PRF1: variants seen among roughly 807,000 people sequenced by gnomAD.
PRF1 encodes the protein perforin-1.
PRF1 carries 11 observed loss-of-function variants against 11.7 expected under a neutral mutation model. The observed-to-expected ratio is 0.94, with a 90% CI of 0.59 to 1.56. PRF1 has a LOEUF of 1.56. Among genes scored for constraint, PRF1 ranks in the 40% most tolerant of loss-of-function variants. The pLI, the probability that PRF1 is intolerant of heterozygous loss-of-function variation, is 0.00. For missense variants in PRF1, 729 were observed against 751.0 expected (o/e 0.97, Z 0.34); for synonymous variants, 314 against 327.8 (o/e 0.96, Z 0.45).
rs767676771 is a variant in PRF1 at position 70,598,623 on chromosome 10, C to T, written c.1098G>A (p.Gln366=). The T allele has an allele frequency of 2.5e-6, 4 of 1,612,964 alleles. No individual in the cohort carries two copies. Among genetic ancestry groups the T allele is most frequent in the Non-Finnish European group, 3.4e-6 (4 of 1,179,916 alleles). Residue 366 remains glutamine, a synonymous_variant, in exon 3 of 3, where the codon CAG becomes CAA. Coordinates refer to ENST00000441259, the MANE Select transcript of PRF1 (RefSeq NM_001083116.3). ...RREALRRALS[Q]YLTDRARWRD... ...TCCAGCGAGCCCTGTCCGTCAGGTA[C>T]TGACTCAGGGCCCTCCTCAGTGCCT... is the stretch of plus-strand genomic sequence containing the variant.
chr10:70,599,185 C>A lies in PRF1; in HGVS notation c.540-4G>T. The A allele has an allele frequency of 1.9e-6, 3 of 1,613,980 alleles. No individual in the cohort carries two copies. Among genetic ancestry groups the A allele is most frequent in the South Asian group, 1.1e-5 (1 of 91,066 alleles). On this transcript the variant is annotated splice_region_variant and splice_polypyrimidine_tract_variant and intron_variant, in intron 2 of 2. Coordinates refer to ENST00000441259, the MANE Select transcript of PRF1 (RefSeq NM_001083116.3). The stretch of plus-strand genomic sequence containing the variant: ...GGGAGTGTGTACCACATGGAAACTG[C>A]GAGAAGAGAGAGACCTCAGCTGGGC...
Position 70,600,747 on chromosome 10 carries a change from G to A in PRF1, c.156C>T (p.Ser52=). 1 of 1,613,122 alleles carries A rather than the reference G, an allele frequency of 6.2e-7. No individual in the cohort carries two copies. Among genetic ancestry groups the A allele is most frequent in the Non-Finnish European group, 8.5e-7 (1 of 1,179,488 alleles). ...CTGGGAAGGAGCCCGAGCGGCGGAG[G>A]CTGGTCACGTCCACACCCTCCCCGG... ...WLAGEGVDVT[S]LRRSGSFPVD... The change falls in exon 2 of 3, where the codon AGC becomes AGT. Residue 52 remains serine (S), a synonymous_variant. Transcript: ENST00000441259. This position sits in a 1 kb window ranked among gnomAD's most constrained non-coding sequence, Gnocchi z 4.9.
Position 70,600,451 on chromosome 10 carries a change from T to C in PRF1, c.452A>G (p.His151Arg), listed in dbSNP as rs769775807. The change falls in exon 2 of 3, where the codon CAC becomes CGC. Residue 151 changes from histidine to arginine, a missense_variant. Physicochemically the swap from His to Arg is conservative, Grantham distance 29. Coordinates refer to ENST00000441259, the MANE Select transcript of PRF1 (RefSeq NM_001083116.3). The surrounding 1 kb of genome is among the most constrained non-coding windows in gnomAD (Gnocchi z 4.9). ...GGCTGCAAAGTTGGCTGCCTGTGAG[T>C]GTGAGCCGGCCACAGACACATGCAC... is the stretch of plus-strand genomic sequence containing the variant. ...SNVHVSVAGSHSQAANFAAQK... is the reference protein window; with the variant it reads ...SNVHVSVAGSRSQAANFAAQK... 1.9e-6 allele frequency: 3 copies of C among 1,613,990 alleles called. No homozygotes were observed. The highest frequency in any genetic ancestry group is 2.5e-6 in the Non-Finnish European group (3 of 1,180,032).
At position 70,600,716 on chromosome 10, in the gene PRF1, T is replaced by G. The variant is rs1239133757; in HGVS notation, c.187A>C (p.Thr63Pro). The change falls in exon 2 of 3, where the codon ACA becomes CCA. Residue 63 changes from threonine (T) to proline (P), a missense_variant. Coordinates refer to ENST00000441259, the MANE Select transcript of PRF1 (RefSeq NM_001083116.3). This position sits in a 1 kb window ranked among gnomAD's most constrained non-coding sequence, Gnocchi z 4.9. ...LRRSGSFPVD[T>P]QRFLRPDGTC... The stretch of plus-strand genomic sequence containing the variant: ...CCGTCGGGCCGCAGGAACCTTTGTG[T>G]GTCCACTGGGAAGGAGCCCGAGCGG... 1 of 1,613,752 alleles carries G rather than the reference T, an allele frequency of 6.2e-7. No individual in the cohort carries two copies. The highest frequency in any genetic ancestry group is 1.3e-5 in the African/African-American group (1 of 74,910).
intron 1 of PRF1, among the ~76,000 whole-genome samples, chr10:70,601,210 G>A (rs1848225324): frequency 6.6e-6 from 1 of 152,164 alleles, no homozygotes; most frequent in African/African-American, 2.4e-5. Context: ...GGACACAACT[G>A]TGGGTGGTGG....
rs1432466385 is a variant in PRF1, at chr10:70,600,086, ACTAGAC to A, written c.539+272_539+277del. Among the ~76,000 whole-genome samples, 1 of 152,182 alleles carries A rather than the reference ACTAGAC, an allele frequency of 6.6e-6. No homozygotes were observed. Among genetic ancestry groups the A allele is most frequent in the Non-Finnish European group, 1.5e-5 (1 of 68,024 alleles). Reference sequence around the variant, plus strand: ...CCAGGAAAGGCAGGGTTCAGTACTCACTAGACCTAAATGGCACCCTGCTGGGACTCT... The same window carrying A: ...CCAGGAAAGGCAGGGTTCAGTACTCACTAAATGGCACCCTGCTGGGACTCT... On this transcript the variant is annotated intron_variant, in intron 2 of 2. Transcript: ENST00000441259. The surrounding 1 kb of genome is among the most constrained non-coding windows in gnomAD (Gnocchi z 4.9).
At position 70,598,331 on chromosome 10, in the gene PRF1, G is replaced by T. The variant is rs754602851; in HGVS notation, c.1390C>A (p.Arg464=). The T allele has an allele frequency of 6.2e-6, 10 of 1,614,062 alleles. No homozygotes were observed. In the South Asian group the frequency reaches 6.6e-5, roughly 11 times the overall value. The change falls in exon 3 of 3, where the codon CGG becomes AGG. Residue 464 remains arginine (R), a synonymous_variant. Coordinates refer to ENST00000441259, the MANE Select transcript of PRF1 (RefSeq NM_001083116.3). ...AGGAGCACATCCCCAAAATCCAGCC[G>T]CACTGACCAGATGGGGTTGTTATTG... ...WDNNNPIWSV[R]LDFGDVLLAT... is the part of the protein sequence containing the mutation.
In PRF1 at chr10:70,598,446, C is replaced by T; in HGVS notation, c.1275G>A (p.Trp425Ter). The T allele has an allele frequency of 2.5e-6, 4 of 1,613,786 alleles. No homozygotes were observed. Among genetic ancestry groups the T allele is most frequent in the Non-Finnish European group, 2.5e-6 (3 of 1,180,026 alleles). Residue 425 changes from tryptophan (W) to a stop codon, truncating the protein, a stop_gained, in exon 3 of 3, where the codon TGG becomes TGA. Coordinates refer to ENST00000441259, the MANE Select transcript of PRF1 (RefSeq NM_001083116.3). LOFTEE classifies it low-confidence loss of function (END_TRUNC). ...CAGTGAACCAGTCCCCCCACAGGCC[C>T]CATGCTTGGATGAAGGTCACCTCCA... is the stretch of plus-strand genomic sequence containing the variant. ...AQLEVTFIQA[W>*]GLWGDWFTAT...
In PRF1 at chr10:70,600,534, A is replaced by G. The variant is rs1848208866; in HGVS notation, c.369T>C (p.Arg123=). The G allele has an allele frequency of 6.2e-7, 1 of 1,613,634 alleles. No homozygotes were observed. The highest frequency in any genetic ancestry group is 8.5e-7 in the Non-Finnish European group (1 of 1,179,940). ...STEAVARDAA[R]SIRNDWKVGL... The stretch of plus-strand genomic sequence containing the variant: ...CGACCTTCCAGTCGTTGCGGATGCT[A>G]CGAGCCGCATCCCGGGCCACAGCTT... Residue 123 remains arginine, a synonymous_variant, in exon 2 of 3, where the codon CGT becomes CGC. Transcript: ENST00000441259. This position sits in a 1 kb window ranked among gnomAD's most constrained non-coding sequence, Gnocchi z 4.9.
Position 70,600,829 on chromosome 10 carries a change from G to T in PRF1, c.74C>A (p.Thr25Lys). ...GCGCTTGCACTCTGAGCGTGCGGCT[G>T]TGTGGCACGGGGCAGGGACGGGCAG... is the stretch of plus-strand genomic sequence containing the variant. ...LPLPVPAPCHTAARSECKRSH... is the reference protein window; with the variant it reads ...LPLPVPAPCHKAARSECKRSH... The change falls in exon 2 of 3, where the codon ACA becomes AAA. Residue 25 changes from threonine (T) to lysine (K), a missense_variant. By Grantham distance (78) the Thr-to-Lys change is moderately conservative. Transcript: ENST00000441259. This position sits in a 1 kb window ranked among gnomAD's most constrained non-coding sequence, Gnocchi z 4.9. 6.2e-7 allele frequency: 1 copy of T among 1,612,680 alleles called. No individual in the cohort carries two copies. Among genetic ancestry groups the T allele is most frequent in the Non-Finnish European group, 8.5e-7 (1 of 1,179,602 alleles).
intron 1 of PRF1, among the ~76,000 whole-genome samples, chr10:70,601,756 G>C (rs1043082104): frequency 7.1e-6 from 1 of 141,742 alleles, no homozygotes; most frequent in African/African-American, 2.6e-5. Flanking sequence ...TTGAACCCAG[G>C]AGGCGGAGGT....
Position 70,598,662 on chromosome 10 carries a change from C to T in PRF1, c.1059G>A (p.Gln353=), listed in dbSNP as rs1848168930. ...LEPLHVLLDS[Q]DPRREALRRA... ...TCCTCAGTGCCTCCCGCCGCGGGTC[C>T]TGGCTGTCCAGCAGCACGTGCAGGG... is the stretch of plus-strand genomic sequence containing the variant. Residue 353 remains glutamine (Q), a synonymous_variant, in exon 3 of 3, where the codon CAG becomes CAA. Transcript: ENST00000441259. 6.2e-7 allele frequency: 1 copy of T among 1,613,800 alleles called. No individual in the cohort carries two copies. The highest frequency in any genetic ancestry group is 1.7e-5 in the Admixed American group (1 of 60,010).
rs1436129645 is a variant in PRF1, at chr10:70,598,944, A to T, written c.777T>A (p.Thr259=). The T allele has an allele frequency of 3.1e-6, 5 of 1,614,238 alleles. No individual in the cohort carries two copies. In the East Asian group the frequency reaches 1.1e-4, roughly 36 times the overall value. The change falls in exon 3 of 3, where the codon ACT becomes ACA. Residue 259 remains threonine, a synonymous_variant. Transcript: ENST00000441259. The part of the protein sequence containing the change: ...LTDNEVEDCL[T]VEAQVNIGIH... ...TGCCTATGTTGACCTGGGCCTCGAC[A>T]GTCAGGCAGTCCTCCACCTCGTTGT...
rs577100184 is a variant in PRF1, at chr10:70,599,201, T to C, written c.540-20A>G. ...TGGAAACTGCGAGAAGAGAGAGACC[T>C]CAGCTGGGCCCAGGGGAGTATTTCC... is the stretch of plus-strand genomic sequence containing the variant. On this transcript the variant is annotated intron_variant, in intron 2 of 2. Transcript: ENST00000441259. 1.4e-5 allele frequency: 23 copies of C among 1,613,932 alleles called. No individual in the cohort carries two copies. Among genetic ancestry groups the C allele is most frequent in the Middle Eastern group, 1.7e-4 (1 of 6,048 alleles).
Position 70,600,660 on chromosome 10 carries a change from CT to C in PRF1, c.242del (p.Gln81ArgfsTer26). 1 of 1,613,770 alleles carries C rather than the reference CT, an allele frequency of 6.2e-7. No individual in the cohort carries two copies. The stretch of plus-strand genomic sequence containing the variant: ...GAGGCAGGCGCTGGAGGGTGCCCTC[CT>C]GTAGGGCATTTTCACAGAGGGTGCA... ...GTCTLCENAL[Q>X]EGTLQRLPLA... On this transcript the variant is annotated frameshift_variant, in exon 2 of 3. Coordinates refer to ENST00000441259, the MANE Select transcript of PRF1 (RefSeq NM_001083116.3). LOFTEE classifies it high-confidence loss of function. This position sits in a 1 kb window ranked among gnomAD's most constrained non-coding sequence, Gnocchi z 4.9.
At position 70,600,683 on chromosome 10, in the gene PRF1, T is replaced by C. The variant is rs1434481627; in HGVS notation, c.220A>G (p.Thr74Ala). Residue 74 changes from threonine (T) to alanine (A), a missense_variant, in exon 2 of 3, where the codon ACC becomes GCC. Thr to Ala is a moderately conservative substitution (Grantham distance 58). Coordinates refer to ENST00000441259, the MANE Select transcript of PRF1 (RefSeq NM_001083116.3). The surrounding 1 kb of genome is among the most constrained non-coding windows in gnomAD (Gnocchi z 4.9). Reference protein sequence around the residue: ...QRFLRPDGTCTLCENALQEGT... With the variant: ...QRFLRPDGTCALCENALQEGT... Reference sequence around the variant, plus strand: ...TCCTGTAGGGCATTTTCACAGAGGGTGCAGGTGCCGTCGGGCCGCAGGAAC... The same window carrying C: ...TCCTGTAGGGCATTTTCACAGAGGGCGCAGGTGCCGTCGGGCCGCAGGAAC... 6.2e-7 allele frequency: 1 copy of C among 1,613,570 alleles called. No individual in the cohort carries two copies. Among genetic ancestry groups the C allele is most frequent in the South Asian group, 1.1e-5 (1 of 91,050 alleles).
In PRF1 at chr10:70,598,950, G is replaced by A. The variant is rs1355087627; in HGVS notation, c.771C>T (p.Cys257=). 2 of 1,614,152 alleles carry A rather than the reference G, an allele frequency of 1.2e-6. No individual in the cohort carries two copies. Among genetic ancestry groups the A allele is most frequent in the Non-Finnish European group, 1.7e-6 (2 of 1,180,050 alleles). Residue 257 remains cysteine (C), a synonymous_variant, in exon 3 of 3, where the codon TGC becomes TGT. Coordinates refer to ENST00000441259, the MANE Select transcript of PRF1 (RefSeq NM_001083116.3). ...EGLTDNEVED[C]LTVEAQVNIG... ...TGTTGACCTGGGCCTCGACAGTCAG[G>A]CAGTCCTCCACCTCGTTGTCCGTGA... is the stretch of plus-strand genomic sequence containing the variant.
chr10:70,600,424 T>G lies in PRF1; in HGVS notation c.479A>C (p.Gln160Pro), dbSNP rs1848204757. ...GCTGTACTGGTCCTGGTGGGTCTTCTGGGCTGCAAAGTTGGCTGCCTGTGA... is the reference window on the plus strand; with the variant it reads ...GCTGTACTGGTCCTGGTGGGTCTTCGGGGCTGCAAAGTTGGCTGCCTGTGA... The part of the protein sequence containing the change: ...SHSQAANFAA[Q>P]KTHQDQYSFS... Residue 160 changes from glutamine (Q) to proline (P), a missense_variant, in exon 2 of 3, where the codon CAG becomes CCG. Coordinates refer to ENST00000441259, the MANE Select transcript of PRF1 (RefSeq NM_001083116.3). The surrounding 1 kb of genome is among the most constrained non-coding windows in gnomAD (Gnocchi z 4.9). 3 of 1,614,174 alleles carry G rather than the reference T, an allele frequency of 1.9e-6. No individual in the cohort carries two copies. Among genetic ancestry groups the G allele is most frequent in the Non-Finnish European group, 2.5e-6 (3 of 1,180,026 alleles).
chr10:70,597,859 A>T lies in PRF1; in HGVS notation c.*194T>A. ...CCGATGAGCTAAAAAAAAAAAAAAA[A>T]TAGCAAAAAGAAACTCATAATGTTT... is the stretch of plus-strand genomic sequence containing the variant. On this transcript the variant is annotated 3_prime_UTR_variant, in exon 3 of 3. Transcript: ENST00000441259. 2 of 669,300 alleles carry T rather than the reference A, an allele frequency of 3.0e-6. No individual in the cohort carries two copies. The highest frequency in any genetic ancestry group is 5.0e-6 in the Non-Finnish European group (2 of 398,898). The allele number at this position is 669,300 out of a possible 1,614,324, so 41.5% of individuals were successfully genotyped here.
Sources: allele counts gnomAD v4.1 joint callset (sites outside exome capture counted in the v4.1 genomes callset), GRCh38; gene constraint gnomAD v4.1.1; non-coding constraint Gnocchi (gnomAD v3.1); transcripts MANE v1.5; gene names NCBI Gene and HGNC (gene_info 2026-07-23, HGNC 2026-07-21).